SAMD13: variants seen among roughly 807,000 people sequenced by gnomAD.
SAMD13 encodes the protein sterile alpha motif domain-containing protein 13.
Under a neutral mutation model 12.4 loss-of-function variants are expected in SAMD13, and 9 were observed. The ratio of observed to expected loss-of-function variants is 0.72; its 90% CI spans 0.44 to 1.26. SAMD13 has a LOEUF of 1.26. Ranked by LOEUF, SAMD13 falls within the 50% of genes most tolerant of loss-of-function variation. SAMD13 has a pLI of 0.00. For synonymous variants in SAMD13, 46 were observed against 45.4 expected, an observed-to-expected ratio of 1.01 and a Z score of -0.05; for missense variants, 84 against 119.6, an observed-to-expected ratio of 0.70 and a Z score of 1.39.
chr1:84,323,962 A>C (rs1489271769), intron 2 of SAMD13, among the ~76,000 whole-genome samples: 1 of 152,170 alleles, frequency 6.6e-6, no homozygotes, highest in Non-Finnish European at 1.5e-5. Context: ...CACCAAATTT[A>C]GCATGTTTAG....
At chr1:84,318,433 T>C (rs1232824948) in intron 2 of SAMD13, among the ~76,000 whole-genome samples, 1 of 152,146 alleles carries the variant, frequency 6.6e-6, no homozygotes. Context: ...CCTGCTGCCA[T>C]TGATTTCTAG....
At chr1:84,302,535 T>TAC (rs1291643732) in intron 1 of SAMD13, 11 of 266,696 alleles carry the variant, frequency 4.1e-5, no homozygotes, top group African/African-American at 2.9e-4. Context: ...TACTCTTTCT[T>TAC]ACACATACAC....
intron 2 of SAMD13, among the ~76,000 whole-genome samples, chr1:84,311,734 G>T (rs750483392): frequency 6.6e-6 from 1 of 152,194 alleles, no homozygotes; most frequent in Admixed American, 6.5e-5. Context: ...TTAAAAACTA[G>T]CATTGCTGAA....
chr1:84,301,843 GTAA>G (rs201016147), intron 1 of SAMD13, 42 bp downstream of exon 1: 1 of 812,576 alleles, frequency 1.2e-6, no homozygotes, highest in Non-Finnish European at 1.5e-6. Context: ...GAAAATAATA[GTAA>G]TAATAATAAG....
upstream of SAMD13, chr1:84,299,657 G>GTATATATATATATATA (rs143143145): frequency 1.5e-6 from 1 of 676,744 alleles, no homozygotes; most frequent in Non-Finnish European, 2.1e-6. Context: ...GAGTACTAGT[G>GTATATATATATATATA]TATATATATA....
intron 2 of SAMD13, chr1:84,303,873 A>G (rs1015176661): frequency 6.6e-6 from 1 of 152,280 alleles, no homozygotes; most frequent in African/African-American, 2.4e-5. Flanking sequence ...TGATTATTTT[A>G]AATGGGAAAA....
rs1301341664 is a variant in SAMD13, at chr1:84,350,642, G to C, written c.*868G>C. 6.6e-6 allele frequency: 1 copy of C among 151,334 alleles called. No homozygotes were observed. Among genetic ancestry groups the C allele is most frequent in the Non-Finnish European group, 1.5e-5 (1 of 67,632 alleles). The allele number at this position is 151,334 out of a possible 1,614,324, so 9.4% of individuals were successfully genotyped here. A position where few individuals can be genotyped will look rare whatever the true frequency, so the allele number is the denominator to read the frequency against. Reference sequence around the variant, plus strand: ...GTGTAATTTTTTTTAATTGTCCTATGCTTTGTTCGGTTCCTGGGTTAAGTA... The same window carrying C: ...GTGTAATTTTTTTTAATTGTCCTATCCTTTGTTCGGTTCCTGGGTTAAGTA... On this transcript the variant is annotated 3_prime_UTR_variant, in exon 4 of 4. Transcript: ENST00000394834.
At chr1:84,306,664 G>A (rs2487165) in intron 2 of SAMD13, among the ~76,000 whole-genome samples, 70,808 of 80,508 alleles carry the variant, frequency 0.88, 30,638 homozygotes, top group Non-Finnish European at 0.95. Context: ...AAAAAAAAAA[G>A]AGAGAGAGAG....
At chr1:84,347,295 G>A (rs756554901) in intron 3 of SAMD13, among the ~76,000 whole-genome samples, 1 of 152,178 alleles carries the variant, frequency 6.6e-6, no homozygotes, top group East Asian at 1.9e-4. Context: ...TCTAAAATGA[G>A]GATTTCCAGA....
chr1:84,317,067 G>T (rs1224012304), intron 2 of SAMD13, among the ~76,000 whole-genome samples: 1 of 152,000 alleles, frequency 6.6e-6, no homozygotes, highest in Non-Finnish European at 1.5e-5. Context: ...CTGCAACTTT[G>T]CTGAATTTGT....
At chr1:84,324,070 A>T (rs1383941001) in intron 2 of SAMD13, among the ~76,000 whole-genome samples, 1 of 152,128 alleles carries the variant, frequency 6.6e-6, no homozygotes, top group Non-Finnish European at 1.5e-5. Context: ...GATTTTATTC[A>T]TTAACTCTCT....
At chr1:84,318,561 G>T (rs1678881167) in intron 2 of SAMD13, among the ~76,000 whole-genome samples, 1 of 152,088 alleles carries the variant, frequency 6.6e-6, no homozygotes, top group East Asian at 1.9e-4. Context: ...TGCTTGAAAA[G>T]AAATGTATAT....
intron 3 of SAMD13, among the ~76,000 whole-genome samples, chr1:84,333,630 TG>T (rs1378090851): frequency 6.6e-6 from 1 of 152,154 alleles, no homozygotes; most frequent in African/African-American, 2.4e-5. Flanking sequence ...TCAGAGACTA[TG>T]GGGTTTTCTA....
At chr1:84,340,473 T>C (rs1679399091) in intron 3 of SAMD13, among the ~76,000 whole-genome samples, 1 of 152,178 alleles carries the variant, frequency 6.6e-6, no homozygotes, top group South Asian at 2.1e-4. Flanking sequence ...GTGGAAGTGT[T>C]TTTAAAATAG....
At chr1:84,340,126 T>C (rs373403163) in intron 3 of SAMD13, among the ~76,000 whole-genome samples, 47 of 152,342 alleles carry the variant, frequency 3.1e-4, no homozygotes, top group African/African-American at 1.1e-3. Context: ...TACTTGTACT[T>C]GTGCTGTGGT....
intron 3 of SAMD13, among the ~76,000 whole-genome samples, chr1:84,340,713 T>C (rs763944502): frequency 2.6e-5 from 4 of 152,228 alleles, no homozygotes; most frequent in African/African-American, 9.6e-5. Context: ...GTTCTCTTCC[T>C]CTGAGTTGGG....
chr1:84,341,232 A>G (rs561218097), intron 3 of SAMD13, among the ~76,000 whole-genome samples: 1 of 152,238 alleles, frequency 6.6e-6, no homozygotes, highest in African/African-American at 2.4e-5. Context: ...CTTTGTCTTC[A>G]TGGACATTAA....
At chr1:84,298,621 T>C, upstream of SAMD13, 1 of 1,269,982 alleles carries the variant, frequency 7.9e-7, no homozygotes. Context: ...CCCTCTCCTC[T>C]CTCCAGGATG....
chr1:84,311,118 T>A (rs921010751), intron 2 of SAMD13, among the ~76,000 whole-genome samples: 1 of 151,516 alleles, frequency 6.6e-6, no homozygotes, highest in Non-Finnish European at 1.5e-5. Context: ...GGCAGATCAC[T>A]TGAGGTCAGG....
Sources: gnomAD v4.1 joint callset for allele counts (sites outside exome capture counted in the v4.1 genomes callset) on GRCh38, gnomAD v4.1.1 for gene constraint, MANE v1.5 for transcripts, NCBI Gene and HGNC (gene_info 2026-07-23, HGNC 2026-07-21) for gene names.